The following CTNNA3 variants were observed in gnomAD, a reference collection of about 807,000 sequenced individuals.
The protein encoded by CTNNA3 is catenin alpha-3.
A neutral mutation model predicts 95.7 loss-of-function variants in CTNNA3; 76 were observed. The ratio of observed to expected loss-of-function variants is 0.79; its 90% CI spans 0.66 to 0.96. CTNNA3 has a LOEUF of 0.96. Among genes scored for constraint, CTNNA3 ranks in the 40% least tolerant of loss-of-function variants. The pLI is 0.00. For synonymous variants in CTNNA3, 431 were observed against 374.4 expected (o/e 1.15, Z -1.74); for missense variants, 1,191 against 1,089.8 (o/e 1.09, Z -1.31).
At chr10:66,355,859 G>C (rs10822820) in intron 12 of CTNNA3, among the ~76,000 whole-genome samples, 79,721 of 151,372 alleles carry the variant, frequency 0.53, 22,799 homozygotes, top group Non-Finnish European at 0.64. Context: ...TCTAATTTGA[G>C]TCATTTTTTG....
chr10:67,337,534 G>A (rs527257606), intron 5 of CTNNA3, among the ~76,000 whole-genome samples: 27 of 152,276 alleles, frequency 1.8e-4, no homozygotes, highest in South Asian at 8.3e-4. Flanking sequence ...AGCAGTAGCC[G>A]GGTTTGAAAG....
At chr10:67,409,175 G>A (rs1045075870) in intron 5 of CTNNA3, among the ~76,000 whole-genome samples, 14 of 152,156 alleles carry the variant, frequency 9.2e-5, no homozygotes, top group Non-Finnish European at 2.1e-4. Flanking sequence ...AAGACAGTGT[G>A]GTGATTCCTC....
At chr10:66,537,139 T>G (rs1483798541) in intron 10 of CTNNA3, among the ~76,000 whole-genome samples, 1 of 152,026 alleles carries the variant, frequency 6.6e-6, no homozygotes, top group Admixed American at 6.6e-5. Flanking sequence ...TCTTTCCAAA[T>G]AACTCGAGTG....
intron 7 of CTNNA3, among the ~76,000 whole-genome samples, chr10:66,995,806 C>CAA (rs917689973): frequency 2.6e-5 from 4 of 152,286 alleles, no homozygotes; most frequent in African/African-American, 9.6e-5. Flanking sequence ...AGGTCTAATA[C>CAA]AAGCATTACT....
At chr10:66,664,149 A>C (rs1189005609) in intron 9 of CTNNA3, among the ~76,000 whole-genome samples, 1 of 152,226 alleles carries the variant, frequency 6.6e-6, no homozygotes, top group African/African-American at 2.4e-5. Flanking sequence ...ACAAAAGATT[A>C]ATCTTTATTC....
chr10:67,596,140 T>C (rs890586945), intron 3 of CTNNA3, among the ~76,000 whole-genome samples: 5 of 152,232 alleles, frequency 3.3e-5, no homozygotes, highest in Non-Finnish European at 5.9e-5. Context: ...ATGGTTAACA[T>C]TGATATGTGC....
In CTNNA3 at chr10:67,365,166, A is replaced by C. The variant is rs544800374; in HGVS notation, c.580-145296T>G. Among the ~76,000 whole-genome samples, 4 of 152,222 alleles carry C rather than the reference A, an allele frequency of 2.6e-5. No homozygotes were observed. In the East Asian group the frequency reaches 5.8e-4, roughly 22 times the overall value. On this transcript the variant is annotated intron_variant, in intron 5 of 17. Coordinates refer to ENST00000433211, the MANE Select transcript of CTNNA3 (RefSeq NM_013266.4). Reference sequence around the variant, plus strand: ...ATAAATGGTGCTGGGAAAACTGGCGAACCATATGTAGAAAGCTGAAACAGG... The same window carrying C: ...ATAAATGGTGCTGGGAAAACTGGCGCACCATATGTAGAAAGCTGAAACAGG...
chr10:66,832,923 T>C (rs1239465556), intron 7 of CTNNA3, among the ~76,000 whole-genome samples: 1 of 152,152 alleles, frequency 6.6e-6, no homozygotes, highest in African/African-American at 2.4e-5. Flanking sequence ...TCAAAGCAAA[T>C]GCATCACATT....
intron 7 of CTNNA3, among the ~76,000 whole-genome samples, chr10:66,961,452 A>G (rs1366620453): frequency 4.6e-5 from 7 of 152,192 alleles, no homozygotes; most frequent in Non-Finnish European, 8.8e-5. Context: ...ACATTCAAGC[A>G]TGCCACTCAC....
chr10:66,438,600 G>A (rs1448746571), intron 11 of CTNNA3, among the ~76,000 whole-genome samples: 9 of 152,110 alleles, frequency 5.9e-5, no homozygotes, highest in African/African-American at 7.2e-5. Context: ...TGCTGACAGC[G>A]AGAATTTCAA....
chr10:67,470,708 T>C (rs922466035), intron 5 of CTNNA3, among the ~76,000 whole-genome samples: 3 of 152,012 alleles, frequency 2.0e-5, no homozygotes, highest in Non-Finnish European at 4.4e-5. Context: ...CTGTGTTACT[T>C]TAACACAGAA....
chr10:66,870,922 A>G (rs1250645503), intron 7 of CTNNA3, among the ~76,000 whole-genome samples: 1 of 152,198 alleles, frequency 6.6e-6, no homozygotes, highest in Non-Finnish European at 1.5e-5. Flanking sequence ...ACACAGAGCT[A>G]AAAAACCACT....
At chr10:67,073,781 G>A (rs1856590581) in intron 7 of CTNNA3, among the ~76,000 whole-genome samples, 1 of 152,084 alleles carries the variant, frequency 6.6e-6, no homozygotes, top group South Asian at 2.1e-4. Context: ...AAATTCTCAT[G>A]AAAAATGCTA....
intron 7 of CTNNA3, among the ~76,000 whole-genome samples, chr10:66,960,428 C>T (rs1849049077): frequency 6.6e-6 from 1 of 152,100 alleles, no homozygotes; most frequent in African/African-American, 2.4e-5. Flanking sequence ...TTTCAATTTG[C>T]CTCATTTGAA....
chr10:67,586,390 G>A (rs528014400), intron 3 of CTNNA3, among the ~76,000 whole-genome samples: 1 of 152,194 alleles, frequency 6.6e-6, no homozygotes, highest in South Asian at 2.1e-4. Context: ...AATAATCTGT[G>A]TAATGCCAGG....
intron 5 of CTNNA3, among the ~76,000 whole-genome samples, chr10:67,407,632 G>A (rs1186153491): frequency 5.3e-5 from 8 of 152,234 alleles, no homozygotes; most frequent in Admixed American, 1.3e-4. Context: ...AACTCTCTTC[G>A]TTTGCAGGTG....
intron 3 of CTNNA3, among the ~76,000 whole-genome samples, chr10:67,554,858 G>A (rs1841176492): frequency 1.3e-5 from 2 of 152,086 alleles, no homozygotes; most frequent in Admixed American, 1.3e-4. Flanking sequence ...GTGTTGCCTA[G>A]GTTTTCTTCT....
chr10:67,701,443 A>G (rs1046086437), intron 1 of CTNNA3, among the ~76,000 whole-genome samples: 1 of 152,250 alleles, frequency 6.6e-6, no homozygotes, highest in Non-Finnish European at 1.5e-5. Context: ...GAAACTCTAC[A>G]AGCCAGAAGA....
rs549686922 is a variant in CTNNA3, at chr10:66,957,415, C to CAT, written c.1048-181893_1048-181892dup. On this transcript the variant is annotated intron_variant, in intron 7 of 17. Coordinates refer to ENST00000433211, the MANE Select transcript of CTNNA3 (RefSeq NM_013266.4). ...ATACATATATATATATATATATATG[C>CAT]ATATATATATATGCATATATATATA... Among the ~76,000 whole-genome samples, 274 of 32,450 alleles carry CAT rather than the reference C, an allele frequency of 8.4e-3. 10 individuals carry two copies. The highest frequency in any genetic ancestry group is 0.024 in the South Asian group (27 of 1,136). The allele number at this position is 32,450 out of a possible 152,430, so 21.3% of individuals were successfully genotyped here.
Sources: allele counts gnomAD v4.1 joint callset (sites outside exome capture counted in the v4.1 genomes callset), GRCh38; gene constraint gnomAD v4.1.1; transcripts MANE v1.5; gene names NCBI Gene and HGNC (gene_info 2026-07-23, HGNC 2026-07-21).